Variants in SNX11 observed in about 807,000 individuals in gnomAD.
SNX11 encodes sorting nexin-11.
SNX11 carries 19 observed loss-of-function variants against 30.7 expected under a neutral mutation model. That is an observed-to-expected ratio of 0.62 (90% CI 0.43 to 0.91). SNX11 has a LOEUF of 0.91. Ranked by LOEUF, SNX11 falls within the 40% of genes least tolerant of loss-of-function variation. The pLI, the probability that SNX11 is intolerant of heterozygous loss-of-function variation, is 0.00. For missense variants in SNX11, 302 were observed against 326.7 expected, an observed-to-expected ratio of 0.92 and a Z score of 0.58; for synonymous variants, 112 against 119.0, an observed-to-expected ratio of 0.94 and a Z score of 0.38.
intron 2 of SNX11, 58 bp downstream of exon 2, chr17:48,112,143 G>A (rs1269414492): frequency 2.8e-6 from 4 of 1,437,386 alleles, no homozygotes; most frequent in Non-Finnish European, 2.9e-6. Context: ...GATTTAGGAG[G>A]AAAGAGGACA....
chr17:48,110,667 G>A (rs898116051), intron 1 of SNX11: 1 of 152,620 alleles, frequency 6.6e-6, no homozygotes. Context: ...GGGGAGGAGA[G>A]GGAGGGCTTA....
rs751473070 is a variant in SNX11 at position 48,121,558 on chromosome 17, T to A, written c.*50T>A. ...TCAGAGAAGATGCGGGCCAGGAGACTTACTCAGGTGGGACTGGGCACAGGG... is the reference window on the plus strand; with the variant it reads ...TCAGAGAAGATGCGGGCCAGGAGACATACTCAGGTGGGACTGGGCACAGGG... On this transcript the variant is annotated 3_prime_UTR_variant, in exon 7 of 7. Transcript: ENST00000359238. 6.3e-7 allele frequency: 1 copy of A among 1,590,628 alleles called. No individual in the cohort carries two copies. The highest frequency in any genetic ancestry group is 1.7e-5 in the Admixed American group (1 of 58,890).
chr17:48,115,610 A>AT (rs140089442), intron 4 of SNX11, among the ~76,000 whole-genome samples: 23,996 of 151,842 alleles, frequency 0.16, 2,537 homozygotes, highest in African/African-American at 0.29. Context: ...AAAAATAATG[A>AT]TTTTTTTTTC....
chr17:48,116,865 C>CTTTTTTT (rs143715469), intron 4 of SNX11, among the ~76,000 whole-genome samples: 1 of 139,312 alleles, frequency 7.2e-6, no homozygotes, highest in Non-Finnish European at 1.6e-5. Context: ...TGCGCCCGGC[C>CTTTTTTT]TTTTTTTTTT....
chr17:48,113,033 G>A (rs1040462705), intron 3 of SNX11, among the ~76,000 whole-genome samples: 2 of 152,062 alleles, frequency 1.3e-5, no homozygotes, highest in Admixed American at 1.3e-4. Context: ...CCACCGTGCA[G>A]GTCAAGGTGT....
In SNX11 at chr17:48,112,569, T is replaced by C. The variant is rs1366099338; in HGVS notation, c.43-5T>C. 1.6e-5 allele frequency: 26 copies of C among 1,607,786 alleles called. No homozygotes were observed. Among genetic ancestry groups the C allele is most frequent in the Middle Eastern group, 1.7e-4 (1 of 5,872 alleles). On this transcript the variant is annotated splice_region_variant and splice_polypyrimidine_tract_variant and intron_variant, in intron 2 of 6. Transcript: ENST00000359238. ...TGAAGCTGAGGGAGCTTTTCTTACCTACAGGAGGTGATTACAGTGCGTGTT... is the reference window on the plus strand; with the variant it reads ...TGAAGCTGAGGGAGCTTTTCTTACCCACAGGAGGTGATTACAGTGCGTGTT...
chr17:48,119,092 G>T lies in SNX11; in HGVS notation c.445G>T (p.Asp149Tyr). 1 of 1,614,142 alleles carries T rather than the reference G, an allele frequency of 6.2e-7. No homozygotes were observed. The change falls in exon 6 of 7, where the codon GAT (aspartate) becomes TAT (tyrosine). Residue 149 changes from aspartate (D) to tyrosine (Y), a missense_variant. Transcript: ENST00000359238. Reference protein sequence around the residue: ...VQGRSTMTVSDAILRYAMSNC... With the variant: ...VQGRSTMTVSYAILRYAMSNC... ...GGGCCGAAGTACCATGACTGTGTCT[G>T]ATGCCATTCTTCGATATGCTATGTC...
At position 48,119,013 on chromosome 17, in the gene SNX11, G is replaced by A. The variant is rs1202530465; in HGVS notation, c.366G>A (p.Leu122=). The A allele has an allele frequency of 6.2e-7, 1 of 1,614,074 alleles. No homozygotes were observed. The highest frequency in any genetic ancestry group is 1.3e-5 in the African/African-American group (1 of 75,018). The change falls in exon 6 of 7, where the codon TTG becomes TTA. Residue 122 remains leucine (L), a synonymous_variant. Transcript: ENST00000359238. ...TGGTTCTCCTGTCAGACAGCCAGTT[G>A]CACCTATTCCTGCAAAGCCAGCTCT... The part of the protein sequence containing the change: ...QSVVLLSDSQ[L]HLFLQSQLSV...
chr17:48,116,724 C>T (rs151030908), intron 4 of SNX11, among the ~76,000 whole-genome samples: 32 of 151,542 alleles, frequency 2.1e-4, no homozygotes, highest in African/African-American at 1.2e-4. Context: ...TACACCACCA[C>T]GGCTGGCTAA....
At position 48,122,627 on chromosome 17, in the gene SNX11, C is replaced by T. The variant is rs1273011530; in HGVS notation, c.*1119C>T. The stretch of plus-strand genomic sequence containing the variant: ...CCCTCCCTGTCGCCCACTCCTCCCT[C>T]CTCTGGCTATCCTACCCTGTCTGTG... On this transcript the variant is annotated 3_prime_UTR_variant, in exon 7 of 7. Transcript: ENST00000359238. 6.6e-6 allele frequency: 1 copy of T among 152,354 alleles called. No individual in the cohort carries two copies. Among genetic ancestry groups the T allele is most frequent in the Non-Finnish European group, 1.5e-5 (1 of 68,166 alleles). The allele number at this position is 152,354 out of a possible 1,614,324, so 9.4% of individuals were successfully genotyped here.
At chr17:48,110,264 C>T (rs1233566697) in intron 1 of SNX11, among the ~76,000 whole-genome samples, 4 of 152,106 alleles carry the variant, frequency 2.6e-5, no homozygotes, top group African/African-American at 9.7e-5. Context: ...GTTCAGGACC[C>T]CTTGGAGGTG....
In SNX11 at chr17:48,118,676, A is replaced by G. The variant is rs752292227; in HGVS notation, c.231-28A>G. 4 of 1,525,730 alleles carry G rather than the reference A, an allele frequency of 2.6e-6. No homozygotes were observed. The South Asian group carries it at 4.5e-5, about 17-fold the overall frequency. 94.5% of individuals were successfully genotyped at this position (1,525,730 alleles called of 1,614,324 possible). ...GACTATCTTAGATGTTACACTTATC[A>G]TGGGTGTTATATCATGTGGCTGCAC... On this transcript the variant is annotated intron_variant, in intron 4 of 6. Coordinates refer to ENST00000359238, the MANE Select transcript of SNX11 (RefSeq NM_013323.3).
intron 4 of SNX11, among the ~76,000 whole-genome samples, chr17:48,117,448 G>C (rs2063557512): frequency 6.6e-6 from 1 of 151,616 alleles, no homozygotes; most frequent in South Asian, 2.1e-4. Context: ...GTTGAGATGG[G>C]GTTTCACCGT....
chr17:48,114,684 C>CTTT (rs35097487), intron 4 of SNX11, among the ~76,000 whole-genome samples: 16 of 112,838 alleles, frequency 1.4e-4, no homozygotes, highest in Admixed American at 2.1e-4. Flanking sequence ...GTTTTTTTTG[C>CTTT]TTTTTTTTTT....
At chr17:48,111,737 G>A (rs140087642) in intron 1 of SNX11, among the ~76,000 whole-genome samples, 4 of 151,906 alleles carry the variant, frequency 2.6e-5, no homozygotes, top group African/African-American at 7.2e-5. Flanking sequence ...ATCTGGACCC[G>A]CCTGTTCTGG....
At position 48,112,033 on chromosome 17, in the gene SNX11, G is replaced by A. The variant is rs2063497410; in HGVS notation, c.-11G>A. The A allele has an allele frequency of 6.2e-7, 1 of 1,612,146 alleles. No homozygotes were observed. Among genetic ancestry groups the A allele is most frequent in the Non-Finnish European group, 8.5e-7 (1 of 1,178,168 alleles). On this transcript the variant is annotated splice_region_variant and 5_prime_UTR_variant, in exon 2 of 7. It removes an upstream start codon present in the reference 5' UTR. Coordinates refer to ENST00000359238, the MANE Select transcript of SNX11 (RefSeq NM_013323.3). ...CTGTATCCTCTGTCCCTCATCAGAT[G>A]TTTCCTTCCAATGGGCTTTTGGTGT...
intron 6 of SNX11, 80 bp downstream of exon 6, chr17:48,119,266 A>G: frequency 9.1e-7 from 1 of 1,104,108 alleles, no homozygotes; most frequent in East Asian, 2.4e-5. Context: ...TGTTAGGGAA[A>G]GTAATGTCAT....
chr17:48,113,427 G>T (rs749560489), intron 4 of SNX11, 26 bp downstream of exon 4: 1 of 1,575,116 alleles, frequency 6.3e-7, no homozygotes, highest in Middle Eastern at 1.7e-4. Flanking sequence ...CTTCCTTCTT[G>T]GGTCTGTGAC....
intron 4 of SNX11, among the ~76,000 whole-genome samples, chr17:48,117,705 A>G (rs2063559757): frequency 6.6e-6 from 1 of 152,096 alleles, no homozygotes; most frequent in African/African-American, 2.4e-5. Context: ...AGTGGGTTTC[A>G]TAAACAACAT....
Sources: allele counts gnomAD v4.1 joint callset (sites outside exome capture counted in the v4.1 genomes callset), GRCh38; gene constraint gnomAD v4.1.1; transcripts MANE v1.5; gene names NCBI Gene and HGNC (gene_info 2026-07-23, HGNC 2026-07-21).